The following HPSE2 variants were observed in gnomAD, a reference collection of about 807,000 sequenced individuals.
The protein encoded by HPSE2 is heparanase 2 (inactive), also known as inactive heparanase-2.
Under a neutral mutation model 60.5 loss-of-function variants are expected in HPSE2, and 38 were observed. That is an observed-to-expected ratio of 0.63 (90% CI 0.48 to 0.82). The LOEUF (loss-of-function observed/expected upper bound fraction) is 0.82. HPSE2 is among the 40% of genes least tolerant of loss of function. The pLI is 0.00. For synonymous variants in HPSE2, 295 were observed against 293.2 expected, an observed-to-expected ratio of 1.01 and a Z score of -0.06; for missense variants, 713 against 740.4, an observed-to-expected ratio of 0.96 and a Z score of 0.43.
At chr10:98,551,798 A>G (rs181392731) in intron 9 of HPSE2, among the ~76,000 whole-genome samples, 10 of 152,304 alleles carry the variant, frequency 6.6e-5, no homozygotes, top group Non-Finnish European at 1.5e-5. Flanking sequence ...TTACAACCAA[A>G]GTATCCTAAT....
chr10:98,767,718 T>C (rs1016841837), intron 3 of HPSE2, among the ~76,000 whole-genome samples: 25 of 145,542 alleles, frequency 1.7e-4, no homozygotes, highest in African/African-American at 5.7e-4. Flanking sequence ...AATAAATTCA[T>C]ATATAAACAT....
intron 3 of HPSE2, among the ~76,000 whole-genome samples, chr10:98,912,647 A>G (rs532237827): frequency 3.9e-5 from 6 of 152,272 alleles, no homozygotes; most frequent in African/African-American, 1.4e-4. Flanking sequence ...CAAAAACCGG[A>G]AGTCATTATG....
chr10:98,482,579 C>T (rs1941282263), intron 11 of HPSE2, 57 bp downstream of exon 11: 3 of 1,608,476 alleles, frequency 1.9e-6, no homozygotes, highest in South Asian at 1.1e-5. Context: ...CTTCAGCCTC[C>T]CCCTCCCTCA....
intron 6 of HPSE2, among the ~76,000 whole-genome samples, chr10:98,673,779 G>A (rs940755199): frequency 6.6e-6 from 1 of 152,042 alleles, no homozygotes; most frequent in East Asian, 1.9e-4. Context: ...AGGGGAAAAA[G>A]CATGAACTCC....
chr10:98,938,605 C>T lies in HPSE2; in HGVS notation c.611-194549G>A, dbSNP rs541130665. Among the ~76,000 whole-genome samples, 66 of 144,214 alleles carry T rather than the reference C, an allele frequency of 4.6e-4. 15 individuals are homozygous for T. Among genetic ancestry groups the T allele is most frequent in the African/African-American group, 1.8e-3 (63 of 35,652 alleles). 94.6% of individuals were successfully genotyped at this position (144,214 alleles called of 152,430 possible). ...CTATGTGAAAAGACCAAATCTACGT[C>T]TGATTGGTGTACCTGAAAGTGAGGG... On this transcript the variant is annotated intron_variant, in intron 3 of 11. Transcript: ENST00000370552.
intron 5 of HPSE2, among the ~76,000 whole-genome samples, chr10:98,717,954 A>AT (rs1258224320): frequency 6.6e-6 from 1 of 152,064 alleles, no homozygotes. Context: ...TGGATATATA[A>AT]TTTTTTTAGA....
intron 5 of HPSE2, among the ~76,000 whole-genome samples, chr10:98,711,942 G>C (rs1948685157): frequency 1.3e-5 from 2 of 152,096 alleles, no homozygotes; most frequent in Admixed American, 6.6e-5. Flanking sequence ...TGCATGCATA[G>C]CAATCCCTCT....
intron 3 of HPSE2, among the ~76,000 whole-genome samples, chr10:98,940,994 C>G (rs1482435360): frequency 7.8e-6 from 1 of 128,696 alleles, no homozygotes; most frequent in Non-Finnish European, 1.6e-5. Flanking sequence ...ACATGATTAT[C>G]TCAATAGATG....
intron 3 of HPSE2, among the ~76,000 whole-genome samples, chr10:99,090,673 C>A (rs1397947041): frequency 1.3e-5 from 2 of 151,918 alleles, no homozygotes; most frequent in South Asian, 2.1e-4. Context: ...TTCCTAAAAA[C>A]CATTATTTCA....
chr10:99,165,343 T>C lies in HPSE2; in HGVS notation c.449-20944A>G, dbSNP rs538301944. Among the ~76,000 whole-genome samples, 39 of 152,164 alleles carry C rather than the reference T, an allele frequency of 2.6e-4. 1 individual carries two copies. The highest frequency in any genetic ancestry group is 2.1e-3 in the South Asian group (10 of 4,828). ...TCAAAATAAAGTTATTCAGCTTCTT[T>C]CTTCTCCAAGTTTCCAGTATGATTG... On this transcript the variant is annotated intron_variant, in intron 2 of 11. Coordinates refer to ENST00000370552, the MANE Select transcript of HPSE2 (RefSeq NM_021828.5).
At chr10:99,083,372 A>C (rs1480974792) in intron 3 of HPSE2, among the ~76,000 whole-genome samples, 2 of 152,224 alleles carry the variant, frequency 1.3e-5, no homozygotes, top group Non-Finnish European at 2.9e-5. Context: ...ATTTCTGCCC[A>C]AAGGAAAATG....
chr10:98,756,902 T>C (rs984238165), intron 3 of HPSE2, among the ~76,000 whole-genome samples: 1 of 152,264 alleles, frequency 6.6e-6, no homozygotes, highest in Admixed American at 6.5e-5. Context: ...CCAATGTCTC[T>C]AATGAACATA....
At chr10:98,838,345 A>C (rs973830035) in intron 3 of HPSE2, among the ~76,000 whole-genome samples, 1 of 152,220 alleles carries the variant, frequency 6.6e-6, no homozygotes, top group Non-Finnish European at 1.5e-5. Flanking sequence ...ATTAAATATA[A>C]TAATAATGTA....
At position 98,457,450 on chromosome 10, in the gene HPSE2, C is replaced by A. The variant is rs10786426; in HGVS notation, c.*2124G>T. ...AAAAATGGGGATAACAGTAGTACCC[C>A]TTTATCATGGGGTTACTAAGGACGC... On this transcript the variant is annotated 3_prime_UTR_variant, in exon 12 of 12. Transcript: ENST00000370552. The A allele has an allele frequency of 6.6e-6, 1 of 151,976 alleles. No individual in the cohort carries two copies. Among genetic ancestry groups the A allele is most frequent in the Non-Finnish European group, 1.5e-5 (1 of 67,988 alleles). 9.4% of individuals were successfully genotyped at this position (151,976 alleles called of 1,614,324 possible). A position where few individuals can be genotyped will look rare whatever the true frequency, so the allele number is the denominator to read the frequency against.
At chr10:98,703,202 G>A (rs1205327200) in intron 5 of HPSE2, among the ~76,000 whole-genome samples, 4 of 151,950 alleles carry the variant, frequency 2.6e-5, no homozygotes, top group Admixed American at 1.3e-4. Context: ...ATACATTCCT[G>A]GAAACATATA....
At chr10:98,692,998 A>C (rs1241410057) in intron 6 of HPSE2, among the ~76,000 whole-genome samples, 1 of 152,250 alleles carries the variant, frequency 6.6e-6, no homozygotes, top group African/African-American at 2.4e-5. Context: ...ATCTGTAATG[A>C]ATCCACAGTG....
rs376866395 is a variant in HPSE2, at chr10:98,560,023, A to G, written c.1320+54881T>C. On this transcript the variant is annotated intron_variant, in intron 9 of 11. Coordinates refer to ENST00000370552, the MANE Select transcript of HPSE2 (RefSeq NM_021828.5). ...GTGGAAAATAAGCTGGAGTCAGACCATGGAGAGTCATGGAGGCCTCACTAC... is the reference window on the plus strand; with the variant it reads ...GTGGAAAATAAGCTGGAGTCAGACCGTGGAGAGTCATGGAGGCCTCACTAC... Among the ~76,000 whole-genome samples, 31 of 152,310 alleles carry G rather than the reference A, an allele frequency of 2.0e-4. No homozygotes were observed. The South Asian group carries it at 6.4e-3, about 32-fold the overall frequency.
chr10:99,036,296 T>C (rs950379601), intron 3 of HPSE2, among the ~76,000 whole-genome samples: 2 of 152,102 alleles, frequency 1.3e-5, no homozygotes, highest in African/African-American at 4.8e-5. Flanking sequence ...GAGAAATAGT[T>C]AATTCCAAGG....
At chr10:98,823,277 T>A (rs963788832) in intron 3 of HPSE2, among the ~76,000 whole-genome samples, 1 of 152,162 alleles carries the variant, frequency 6.6e-6, no homozygotes, top group African/African-American at 2.4e-5. Context: ...CACTAACTTG[T>A]GATTTGTTAC....
Sources: gnomAD v4.1 joint callset for allele counts (sites outside exome capture counted in the v4.1 genomes callset) on GRCh38, gnomAD v4.1.1 for gene constraint, MANE v1.5 for transcripts, NCBI Gene and HGNC (gene_info 2026-07-23, HGNC 2026-07-21) for gene names.